The following TMEM74 variants were observed in gnomAD, a reference collection of about 807,000 sequenced individuals.
TMEM74 encodes transmembrane protein 74.
In TMEM74, 13 loss-of-function variants were observed where a neutral mutation model predicts 18.1. The observed-to-expected ratio is 0.72, with a 90% CI of 0.47 to 1.14. The LOEUF is 1.14. TMEM74 is among the 50% of genes most tolerant of loss of function. TMEM74 has a pLI of 0.00. For synonymous variants in TMEM74, 159 were observed against 146.6 expected (o/e 1.08, Z -0.61); for missense variants, 372 against 375.9 (o/e 0.99, Z 0.09).
chr8:108,629,874 A>C (rs1356338286), intron 2 of TMEM74, among the ~76,000 whole-genome samples: 1 of 152,144 alleles, frequency 6.6e-6, no homozygotes, highest in South Asian at 2.1e-4. Flanking sequence ...CAGCCACTGC[A>C]AAAACACACC....
intron 1 of TMEM74, among the ~76,000 whole-genome samples, chr8:108,691,098 A>G (rs144266862): frequency 1.3e-5 from 2 of 152,328 alleles, no homozygotes; most frequent in African/African-American, 4.8e-5. Context: ...TGTTGCTGCT[A>G]TGAAAGAATC....
chr8:108,657,889 T>TTAATTAC (rs1392929840), intron 1 of TMEM74, among the ~76,000 whole-genome samples: 2 of 109,582 alleles, frequency 1.8e-5, no homozygotes, highest in Non-Finnish European at 3.7e-5. Context: ...TATATATATA[T>TTAATTAC]ATATATATAT....
rs189528678 is a variant in TMEM74 at position 108,702,240 on chromosome 8, A to T, written n.120-46803T>A. Among the ~76,000 whole-genome samples, 554 of 151,250 alleles carry T rather than the reference A, an allele frequency of 3.7e-3. 4 individuals carry two copies. The highest frequency in any genetic ancestry group is 7.9e-3 in the Admixed American group (120 of 15,140). ...GCACCTGTAATCCCAGCTGCTTGGA[A>T]GGCTGAGGCAAGGAGAATTGCTTGA... On this transcript the variant is annotated intron_variant and non_coding_transcript_variant, in intron 1 of 3. Coordinates refer to the TMEM74 transcript ENST00000518838.
At position 108,781,265 on chromosome 8, in the gene TMEM74, C is replaced by A. The variant is rs1814303459; in HGVS notation, c.*2916G>T. On this transcript the variant is annotated 3_prime_UTR_variant, in exon 2 of 2. Coordinates refer to ENST00000297459, the MANE Select transcript of TMEM74 (RefSeq NM_153015.3). ...TATTGAAGAGACAGACGGAAGGTCA[C>A]AAATCTCCATGAAGGATGCAAGACC... Among the ~76,000 whole-genome samples, 4 of 152,178 alleles carry A rather than the reference C, an allele frequency of 2.6e-5. No individual in the cohort carries two copies. The highest frequency in any genetic ancestry group is 2.6e-4 in the Admixed American group (4 of 15,276).
intron 1 of TMEM74, 71 bp downstream of exon 1, chr8:108,787,405 G>T (rs1204743317): frequency 6.6e-6 from 1 of 152,294 alleles, no homozygotes; most frequent in East Asian, 1.9e-4. Flanking sequence ...ATGCGCTCCA[G>T]CTCTGCTAGG....
At chr8:108,744,558 C>A (rs986106967) in intron 1 of TMEM74, among the ~76,000 whole-genome samples, 3 of 152,052 alleles carry the variant, frequency 2.0e-5, no homozygotes, top group African/African-American at 7.2e-5. Context: ...CATAGTAAAT[C>A]TACATTTTAC....
downstream of TMEM74, among the ~76,000 whole-genome samples, chr8:108,777,565 C>T (rs890459635): frequency 1.3e-5 from 2 of 152,124 alleles, no homozygotes; most frequent in African/African-American, 4.8e-5. Flanking sequence ...TCTCAGATCA[C>T]AAGCCTGCTA....
At chr8:108,767,366 T>C (rs921369611) in intron 1 of TMEM74, among the ~76,000 whole-genome samples, 2 of 152,150 alleles carry the variant, frequency 1.3e-5, no homozygotes, top group Admixed American at 1.3e-4. Context: ...TTAATTATCA[T>C]CAAAAAGCAA....
At chr8:108,713,154 T>G (rs1813490065) in intron 1 of TMEM74, among the ~76,000 whole-genome samples, 1 of 152,202 alleles carries the variant, frequency 6.6e-6, no homozygotes, top group African/African-American at 2.4e-5. Flanking sequence ...TGGGAACCAC[T>G]GTCTTTTATG....
intron 1 of TMEM74, among the ~76,000 whole-genome samples, chr8:108,679,435 T>C (rs1326554416): frequency 1.3e-5 from 2 of 152,150 alleles, no homozygotes; most frequent in Non-Finnish European, 2.9e-5. Flanking sequence ...TTAATGATTG[T>C]CATTCTAACT....
At chr8:108,643,781 T>C (rs143874701) in intron 2 of TMEM74, among the ~76,000 whole-genome samples, 1 of 150,792 alleles carries the variant, frequency 6.6e-6, no homozygotes, top group African/African-American at 2.4e-5. Context: ...AACCTAGGAA[T>C]ACCTTTAACC....
At chr8:108,625,755 T>A (rs949603) in intron 2 of TMEM74, among the ~76,000 whole-genome samples, 34,519 of 151,812 alleles carry the variant, frequency 0.23, 4,001 homozygotes, top group East Asian at 0.27. Context: ...TATTTTTAAG[T>A]CTCTCTACCC....
chr8:108,652,946 C>A, intron 2 of TMEM74: 1 of 310,036 alleles, frequency 3.2e-6, no homozygotes. Context: ...TAGCGACTTG[C>A]TAGACATAAA....
chr8:108,659,188 G>A (rs1196179899), intron 1 of TMEM74, among the ~76,000 whole-genome samples: 1 of 149,714 alleles, frequency 6.7e-6, no homozygotes, highest in Non-Finnish European at 1.5e-5. Context: ...GATGGCAGAG[G>A]GAGATAGAGA....
chr8:108,652,164 A>G (rs928383213), intron 2 of TMEM74, among the ~76,000 whole-genome samples: 1 of 152,226 alleles, frequency 6.6e-6, no homozygotes, highest in African/African-American at 2.4e-5. Flanking sequence ...AAAATGCAAC[A>G]ACAGGAAAAT....
intron 2 of TMEM74, among the ~76,000 whole-genome samples, chr8:108,649,483 T>TGAG (rs1429258369): frequency 6.6e-6 from 1 of 152,196 alleles, no homozygotes; most frequent in Non-Finnish European, 1.5e-5. Flanking sequence ...TTAGTAATAG[T>TGAG]GACAAAAACT....
chr8:108,671,582 C>T lies in TMEM74; in HGVS notation n.120-16145G>A, dbSNP rs141009304. On this transcript the variant is annotated intron_variant and non_coding_transcript_variant, in intron 1 of 3. Coordinates refer to the TMEM74 transcript ENST00000518838. ...TCCGAAAATGTTGAGTCCTGTTTTC[C>T]GTGGCATGGTGCAGCTGATGTTGTC... Among the ~76,000 whole-genome samples, 1,070 of 152,130 alleles carry T rather than the reference C, an allele frequency of 7.0e-3. 12 individuals are homozygous for T. The highest frequency in any genetic ancestry group is 9.8e-3 in the Admixed American group (149 of 15,274).
chr8:108,624,129 C>G (rs868191508), intron 2 of TMEM74, among the ~76,000 whole-genome samples: 10 of 152,034 alleles, frequency 6.6e-5, no homozygotes, highest in Admixed American at 6.6e-4. Context: ...TTGTATTATT[C>G]CAAAATAAAA....
chr8:108,765,372 C>A (rs1814093096), intron 1 of TMEM74, among the ~76,000 whole-genome samples: 1 of 148,366 alleles, frequency 6.7e-6, no homozygotes, highest in Non-Finnish European at 1.5e-5. Flanking sequence ...CCATAGGCAA[C>A]ACAACCTAAC....
Sources: allele counts gnomAD v4.1 joint callset (sites outside exome capture counted in the v4.1 genomes callset), GRCh38; gene constraint gnomAD v4.1.1; transcripts MANE v1.5; gene names NCBI Gene and HGNC (gene_info 2026-07-23, HGNC 2026-07-21).